The following HECTD4 variants were observed in gnomAD, a reference collection of about 807,000 sequenced individuals.
HECTD4 encodes the protein HECT domain E3 ubiquitin protein ligase 4.
In HECTD4, 114 loss-of-function variants were observed where a neutral mutation model predicts 471.5. That is an observed-to-expected ratio of 0.24 (90% CI 0.21 to 0.28). The LOEUF is 0.28. Among genes scored for constraint, HECTD4 ranks in the 10% least tolerant of loss-of-function variants. The pLI is 1.00. For synonymous variants in HECTD4, 2,012 were observed against 2,256.0 expected (o/e 0.89, Z 3.07); for missense variants, 3,866 against 5,651.5 (o/e 0.68, Z 10.13).
At position 112,190,871 on chromosome 12, in the gene HECTD4, C is replaced by G; in HGVS notation, c.9387G>C (p.Trp3129Cys). ...ACTTCCCTTCACTGTCCTCTGATTT[C>G]CAGGACAGCAGCTGCTCTGCGAAGG... ...AMAFAEQLLS[W>C]KSEDSEGKSE... is the part of the protein sequence containing the mutation. Residue 3129 changes from tryptophan to cysteine, a missense_variant, in exon 60 of 76, where the codon TGG (tryptophan) becomes TGC (cysteine). Around this residue, in one of 16 missense-constraint regions of HECTD4, gnomAD observed 364 missense variants for 413.2 expected, o/e 0.88. Transcript: ENST00000682272. The G allele has an allele frequency of 6.3e-7, 1 of 1,581,134 alleles. No individual in the cohort carries two copies. The highest frequency in any genetic ancestry group is 8.6e-7 in the Non-Finnish European group (1 of 1,163,644).
intron 64 of HECTD4, 130 bp downstream of exon 64, chr12:112,178,801 G>A (rs1023466858): frequency 2.3e-5 from 25 of 1,097,274 alleles, no homozygotes; most frequent in Non-Finnish European, 2.8e-5. Flanking sequence ...CAGCCTGGGC[G>A]ACAAAGCATG....
chr12:112,240,037 A>G lies in HECTD4; in HGVS notation c.4959-10T>C, dbSNP rs780630023. On this transcript the variant is annotated splice_polypyrimidine_tract_variant and intron_variant, in intron 32 of 75. Transcript: ENST00000682272. ...TGTGAGTTCTTCAATTCTGTGAAAG[A>G]GAAACCAAAGCTCAGGCTTCCTGAA... 1 of 1,613,182 alleles carries G rather than the reference A, an allele frequency of 6.2e-7. No individual in the cohort carries two copies. The highest frequency in any genetic ancestry group is 1.3e-5 in the African/African-American group (1 of 74,898).
chr12:112,263,707 T>TTA (rs534839272), intron 17 of HECTD4, among the ~76,000 whole-genome samples: 6,578 of 137,852 alleles, frequency 0.048, 200 homozygotes, highest in African/African-American at 0.088. Flanking sequence ...CCCAAGATTT[T>TTA]TATATATATA....
At chr12:112,296,508 G>A (rs2035019096) in intron 7 of HECTD4, among the ~76,000 whole-genome samples, 1 of 151,752 alleles carries the variant, frequency 6.6e-6, no homozygotes, top group Non-Finnish European at 1.5e-5. Flanking sequence ...GTAGATATAG[G>A]TGCAGAGGGT....
At chr12:112,176,070 C>T (rs2031433447) in intron 65 of HECTD4, among the ~76,000 whole-genome samples, 1 of 152,226 alleles carries the variant, frequency 6.6e-6, no homozygotes, top group South Asian at 2.1e-4. Context: ...CCCCTGAGGG[C>T]TCTGTCTCCC....
At chr12:112,215,649 C>G (rs941307875) in intron 48 of HECTD4, among the ~76,000 whole-genome samples, 1 of 152,066 alleles carries the variant, frequency 6.6e-6, no homozygotes, top group African/African-American at 2.4e-5. Context: ...CTCTCTCTCT[C>G]TGTTTTTTGA....
chr12:112,283,758 T>C (rs1265962582), intron 7 of HECTD4, among the ~76,000 whole-genome samples: 2 of 152,220 alleles, frequency 1.3e-5, no homozygotes, highest in African/African-American at 2.4e-5. Context: ...GCTCAGGCCC[T>C]GGCAGAGCAA....
At chr12:112,368,583 C>A (rs1329582004) in intron 1 of HECTD4, among the ~76,000 whole-genome samples, 1 of 152,108 alleles carries the variant, frequency 6.6e-6, no homozygotes, top group Non-Finnish European at 1.5e-5. Context: ...AAAATTATAT[C>A]TTTAAATCTT....
rs1381031571 is a variant in HECTD4, at chr12:112,166,007, C to T, written c.12534+1310G>A. Among the ~76,000 whole-genome samples, 1 of 152,194 alleles carries T rather than the reference C, an allele frequency of 6.6e-6. No individual in the cohort carries two copies. Among genetic ancestry groups the T allele is most frequent in the African/African-American group, 2.4e-5 (1 of 41,424 alleles). Reference sequence around the variant, plus strand: ...GAGAGCACTTCTTCCTAGTATGCACCCCACAACACCATGTGGTTCTGCATC... The same window carrying T: ...GAGAGCACTTCTTCCTAGTATGCACTCCACAACACCATGTGGTTCTGCATC... On this transcript the variant is annotated intron_variant, in intron 72 of 75. Coordinates refer to ENST00000682272, the MANE Select transcript of HECTD4 (RefSeq NM_001388303.1). This position sits in a 1 kb window ranked among gnomAD's most constrained non-coding sequence, Gnocchi z 4.6.
At chr12:112,237,179 G>T in intron 34 of HECTD4, 81 bp from the exon 35 acceptor site, 1 of 1,272,974 alleles carries the variant, frequency 7.9e-7, no homozygotes, top group Non-Finnish European at 1.1e-6. Flanking sequence ...GGCGAGCCCT[G>T]TCCATTTATC....
intron 11 of HECTD4, among the ~76,000 whole-genome samples, chr12:112,271,044 T>A (rs2034402180): frequency 6.6e-6 from 1 of 152,202 alleles, no homozygotes; most frequent in Admixed American, 6.5e-5. Flanking sequence ...GTCAGTAATA[T>A]AAAGTGGACT....
chr12:112,269,622 C>T, intron 13 of HECTD4, 82 bp downstream of exon 13: 1 of 1,458,374 alleles, frequency 6.9e-7, no homozygotes, highest in Non-Finnish European at 9.5e-7. Flanking sequence ...GGCATTTATA[C>T]TACCAGCTTT....
At position 112,162,315 on chromosome 12, in the gene HECTD4, G is replaced by A; in HGVS notation, c.*72C>T. 1.3e-6 allele frequency: 2 copies of A among 1,590,666 alleles called. No homozygotes were observed. Among genetic ancestry groups the A allele is most frequent in the Non-Finnish European group, 8.6e-7 (1 of 1,161,346 alleles). ...CTCACGCAGGGCCCTGGAGGGACGG[G>A]CCGCAGTGGTGGCTTCCCAAGCCAG... is the stretch of plus-strand genomic sequence containing the variant. On this transcript the variant is annotated 3_prime_UTR_variant, in exon 76 of 76. Coordinates refer to ENST00000682272, the MANE Select transcript of HECTD4 (RefSeq NM_001388303.1). This position sits in a 1 kb window ranked among gnomAD's most constrained non-coding sequence, Gnocchi z 5.2.
chr12:112,221,462 C>T (rs909943572), intron 44 of HECTD4, among the ~76,000 whole-genome samples: 2 of 152,102 alleles, frequency 1.3e-5, no homozygotes, highest in Admixed American at 6.6e-5. Flanking sequence ...TGGTCTCAAA[C>T]TTTTGGGCTC....
Position 112,197,976 on chromosome 12 carries a change from T to C in HECTD4, c.8567+2662A>G, listed in dbSNP as rs370783626. ...TCAGCCTCCCGAGTAGCTGGGACCA[T>C]AGGCACATGCCACCAGACCCGGCTA... On this transcript the variant is annotated intron_variant, in intron 55 of 75. Transcript: ENST00000682272. 1.2e-3 allele frequency among the ~76,000 whole-genome samples: 185 copies of C among 152,176 alleles called. 1 individual carries two copies. Among genetic ancestry groups the C allele is most frequent in the African/African-American group, 4.2e-3 (176 of 41,526 alleles).
intron 1 of HECTD4, among the ~76,000 whole-genome samples, chr12:112,328,603 T>G (rs1374080521): frequency 6.6e-6 from 1 of 152,172 alleles, no homozygotes; most frequent in South Asian, 2.1e-4. Flanking sequence ...CTTGAAAAGC[T>G]CTCATGCGAG....
intron 17 of HECTD4, among the ~76,000 whole-genome samples, chr12:112,263,707 TTA>T (rs534839272): frequency 0.032 from 4,365 of 137,780 alleles, 70 homozygotes; most frequent in African/African-American, 0.038. Context: ...CCCAAGATTT[TTA>T]TATATATATA....
At chr12:112,214,713 C>G (rs939404097) in intron 48 of HECTD4, among the ~76,000 whole-genome samples, 5 of 144,014 alleles carry the variant, frequency 3.5e-5, no homozygotes, top group Admixed American at 2.0e-4. Context: ...CACCCACCCC[C>G]TGACATACAC....
rs1593881917 is a variant in HECTD4 at position 112,163,772 on chromosome 12, C to A, written c.12702-35G>T. 7.0e-7 allele frequency: 1 copy of A among 1,418,530 alleles called. No homozygotes were observed. Among genetic ancestry groups the A allele is most frequent in the Admixed American group, 3.0e-5 (1 of 33,772 alleles). The allele number at this position is 1,418,530 out of a possible 1,614,324, so 87.9% of individuals were successfully genotyped here. A position where few individuals can be genotyped will look rare whatever the true frequency, so the allele number is the denominator to read the frequency against. ...TGAGGAGCACAGGTGAGGGAGAACA[C>A]CGCCGAAGAGGCTGGGTCTGGGGGC... On this transcript the variant is annotated intron_variant, in intron 73 of 75. Coordinates refer to ENST00000682272, the MANE Select transcript of HECTD4 (RefSeq NM_001388303.1). This position sits in a 1 kb window ranked among gnomAD's most constrained non-coding sequence, Gnocchi z 8.2.
Sources: gnomAD v4.1 joint callset for allele counts (sites outside exome capture counted in the v4.1 genomes callset) on GRCh38, gnomAD v4.1.1 for gene constraint, gnomAD v4.1.1 regional missense constraint, Gnocchi (gnomAD v3.1) non-coding constraint, MANE v1.5 for transcripts, NCBI Gene and HGNC (gene_info 2026-07-23, HGNC 2026-07-21) for gene names.